The following CEP350 variants were observed in gnomAD, a reference collection of about 807,000 sequenced individuals.
CEP350 encodes the protein centrosomal protein 350.
CEP350 carries 126 observed loss-of-function variants against 331.8 expected under a neutral mutation model. The observed-to-expected ratio is 0.38, with a 90% CI of 0.33 to 0.44. CEP350 has a LOEUF of 0.44. Ranked by LOEUF, CEP350 falls within the 20% of genes least tolerant of loss-of-function variation. CEP350 has a pLI of 1.00. For missense variants in CEP350, 3,406 were observed against 3,634.6 expected (o/e 0.94, Z 1.62); for synonymous variants, 1,200 against 1,259.5 (o/e 0.95, Z 1.00).
chr1:180,046,415 A>G (rs1657123944), intron 21 of CEP350, among the ~76,000 whole-genome samples: 2 of 152,156 alleles, frequency 1.3e-5, no homozygotes, highest in Non-Finnish European at 2.9e-5. Flanking sequence ...ATGTATCACT[A>G]CTTTGTTTAT....
chr1:180,110,332 G>A (rs918477283), intron 37 of CEP350, among the ~76,000 whole-genome samples: 3 of 152,104 alleles, frequency 2.0e-5, no homozygotes, highest in African/African-American at 4.8e-5. Flanking sequence ...ACAGTACTTC[G>A]ATTTTTGAAT....
intron 12 of CEP350, among the ~76,000 whole-genome samples, chr1:180,022,094 G>T (rs905216486): frequency 7.9e-5 from 12 of 152,012 alleles, no homozygotes; most frequent in African/African-American, 2.9e-4. Context: ...CTTTTTCCTA[G>T]AATTCATATT....
Position 180,014,028 on chromosome 1 carries a change from T to A in CEP350, c.1575T>A (p.Pro525=), listed in dbSNP as rs1310524101. 14 of 1,613,304 alleles carry A rather than the reference T, an allele frequency of 8.7e-6. No individual in the cohort carries two copies. The change falls in exon 10 of 38, where the codon CCT becomes CCA. Residue 525 remains proline, a synonymous_variant. Coordinates refer to ENST00000367607, the MANE Select transcript of CEP350 (RefSeq NM_014810.5). ...CTGCCTTAAATAAGGACTTTTTACC[T>A]ATTGAAATTCGTGGCATTCTTGATG... ...ENTALNKDFL[P]IEIRGILDDL... is the part of the protein sequence containing the mutation.
At chr1:180,017,913 T>A (rs1036617627) in intron 11 of CEP350, among the ~76,000 whole-genome samples, 2 of 152,220 alleles carry the variant, frequency 1.3e-5, no homozygotes, top group Non-Finnish European at 2.9e-5. Context: ...ACTTTTTAAA[T>A]CTTTGTTTTA....
chr1:179,960,253 C>T (rs12124175), intron 1 of CEP350, among the ~76,000 whole-genome samples: 2 of 135,456 alleles, frequency 1.5e-5, no homozygotes, highest in Non-Finnish European at 1.5e-5. Context: ...TCACCTAATG[C>T]GTGCACCTCT....
chr1:179,962,454 C>T (rs899640043), intron 1 of CEP350, among the ~76,000 whole-genome samples: 5 of 151,976 alleles, frequency 3.3e-5, no homozygotes, highest in African/African-American at 9.7e-5. Flanking sequence ...CTGTTGCTCA[C>T]GCTGGAGCGC....
At chr1:180,039,220 A>G (rs1416446806) in intron 17 of CEP350, among the ~76,000 whole-genome samples, 1 of 137,866 alleles carries the variant, frequency 7.3e-6, no homozygotes. Flanking sequence ...AGATTGTGCC[A>G]TTGGACTCCA....
chr1:179,973,166 C>G (rs1037935116), intron 1 of CEP350, among the ~76,000 whole-genome samples: 1 of 152,186 alleles, frequency 6.6e-6, no homozygotes, highest in South Asian at 2.1e-4. Flanking sequence ...CTCTCCCGGC[C>G]GCAATAGGTA....
intron 17 of CEP350, among the ~76,000 whole-genome samples, chr1:180,039,993 T>G (rs192216315): frequency 6.6e-6 from 1 of 152,280 alleles, no homozygotes; most frequent in East Asian, 1.9e-4. Flanking sequence ...ATTTTAAAAT[T>G]TATTCCCAAA....
chr1:180,035,140 C>G lies in CEP350; in HGVS notation c.3946+1058C>G, dbSNP rs1281303178. 1.3e-5 allele frequency among the ~76,000 whole-genome samples: 2 copies of G among 152,202 alleles called. 1 individual carries two copies. The highest frequency in any genetic ancestry group is 1.3e-4 in the Admixed American group (2 of 15,278). On this transcript the variant is annotated intron_variant, in intron 16 of 37. Transcript: ENST00000367607. ...AGCCAGTGGCATCTTTAAGCCAAAGCTTAATCTAGAGCAAGACCCTAATAC... is the reference window on the plus strand; with the variant it reads ...AGCCAGTGGCATCTTTAAGCCAAAGGTTAATCTAGAGCAAGACCCTAATAC...
rs1426643164 is a variant in CEP350 at position 180,020,178 on chromosome 1, T to C, written c.2404T>C (p.Ser802Pro). The change falls in exon 12 of 38, where the codon TCA (serine) becomes CCA (proline). Residue 802 changes from serine to proline, a missense_variant. By Grantham distance (74) the Ser-to-Pro change is moderately conservative. Transcript: ENST00000367607. ...TTTTACACCTCAACCATATGTGACC[T>C]CACCAGCTGCTTATACAGATGCCTT... ...LTFTPQPYVT[S>P]PAAYTDALLK... 6.2e-7 allele frequency: 1 copy of C among 1,614,014 alleles called. No individual in the cohort carries two copies. The highest frequency in any genetic ancestry group is 8.5e-7 in the Non-Finnish European group (1 of 1,179,876).
intron 1 of CEP350, among the ~76,000 whole-genome samples, chr1:179,981,799 G>GC (rs1325540709): frequency 2.6e-5 from 4 of 151,788 alleles, no homozygotes; most frequent in African/African-American, 9.7e-5. Context: ...CGAATTTGAG[G>GC]CCAGCCTGGG....
chr1:179,989,404 G>A (rs1652887018), intron 3 of CEP350, among the ~76,000 whole-genome samples: 2 of 150,120 alleles, frequency 1.3e-5, no homozygotes, highest in Admixed American at 1.3e-4. Context: ...GATCGCTTGA[G>A]CCCAGGAGGC....
At chr1:180,009,265 C>T (rs142752064) in intron 8 of CEP350, among the ~76,000 whole-genome samples, 1 of 152,356 alleles carries the variant, frequency 6.6e-6, no homozygotes, top group South Asian at 2.1e-4. Flanking sequence ...CTGCCTTAGC[C>T]TCCCAAAGTT....
chr1:180,061,857 C>T (rs921092865), intron 25 of CEP350, among the ~76,000 whole-genome samples: 41 of 151,978 alleles, frequency 2.7e-4, no homozygotes, highest in African/African-American at 9.4e-4. Context: ...AAAAGTTTAG[C>T]AATAGAATAA....
intron 1 of CEP350, among the ~76,000 whole-genome samples, chr1:179,978,284 A>G (rs72710619): frequency 0.065 from 9,941 of 152,226 alleles, 442 homozygotes; most frequent in African/African-American, 0.14. Flanking sequence ...CAATTGTTGC[A>G]CATATTCATG....
In CEP350 at chr1:180,114,045, A is replaced by G. The variant is rs1165342145; in HGVS notation, c.*2884A>G. Reference sequence around the variant, plus strand: ...AGAGCTCAAACGTAGTTAATAAGGAAGGTAATTTGTTTTTCTTTTACCTAA... The same window carrying G: ...AGAGCTCAAACGTAGTTAATAAGGAGGGTAATTTGTTTTTCTTTTACCTAA... On this transcript the variant is annotated 3_prime_UTR_variant, in exon 38 of 38. Coordinates refer to ENST00000367607, the MANE Select transcript of CEP350 (RefSeq NM_014810.5). The G allele has an allele frequency of 1.3e-5, 2 of 152,650 alleles. No homozygotes were observed. Among genetic ancestry groups the G allele is most frequent in the Non-Finnish European group, 2.9e-5 (2 of 68,038 alleles). The allele number at this position is 152,650 out of a possible 1,614,324, so 9.5% of individuals were successfully genotyped here. A position where few individuals can be genotyped will look rare whatever the true frequency, so the allele number is the denominator to read the frequency against.
intron 31 of CEP350, among the ~76,000 whole-genome samples, chr1:180,084,526 G>T (rs972963491): frequency 2.6e-5 from 4 of 151,952 alleles, no homozygotes; most frequent in African/African-American, 9.7e-5. Flanking sequence ...CACTACGCCC[G>T]GCTAATTTTT....
intron 1 of CEP350, among the ~76,000 whole-genome samples, chr1:179,966,795 A>G (rs988481504): frequency 1.3e-5 from 2 of 152,138 alleles, no homozygotes; most frequent in African/African-American, 4.8e-5. Context: ...AATTTGCTCA[A>G]ACTCTGATAG....
Sources: gnomAD v4.1 joint callset for allele counts (sites outside exome capture counted in the v4.1 genomes callset) on GRCh38, gnomAD v4.1.1 for gene constraint, MANE v1.5 for transcripts, NCBI Gene and HGNC (gene_info 2026-07-23, HGNC 2026-07-21) for gene names.